The following GLIS3 variants were observed in gnomAD, a reference collection of about 807,000 sequenced individuals.
The protein encoded by GLIS3 is zinc finger protein GLIS3.
A neutral mutation model predicts 78.6 loss-of-function variants in GLIS3; 53 were observed. The observed-to-expected ratio is 0.67, with a 90% CI of 0.54 to 0.85. The LOEUF (loss-of-function observed/expected upper bound fraction) is 0.85. GLIS3 is among the 40% of genes least tolerant of loss of function. GLIS3 has a pLI of 0.00. For missense variants in GLIS3, 1,703 were observed against 1,231.1 expected (o/e 1.38, Z -5.74); for synonymous variants, 684 against 509.9 (o/e 1.34, Z -4.60).
intron 4 of GLIS3, among the ~76,000 whole-genome samples, chr9:4,087,991 C>T (rs1829186220): frequency 6.6e-6 from 1 of 152,232 alleles, no homozygotes; most frequent in Non-Finnish European, 1.5e-5. Context: ...ACAGACTCCA[C>T]ATGTCATTCA....
chr9:3,919,643 A>C (rs1824740186), intron 6 of GLIS3, among the ~76,000 whole-genome samples: 1 of 151,144 alleles, frequency 6.6e-6, no homozygotes, highest in Non-Finnish European at 1.5e-5. Context: ...GTAGAAGTTA[A>C]AAAATAAAAA....
chr9:4,229,761 C>T (rs1381883359), intron 2 of GLIS3, among the ~76,000 whole-genome samples: 1 of 152,172 alleles, frequency 6.6e-6, no homozygotes, highest in Middle Eastern at 3.2e-3. Context: ...TTTTATAACA[C>T]ATATAAAAGC....
chr9:3,926,420 G>A (rs910198591), intron 6 of GLIS3, among the ~76,000 whole-genome samples: 2 of 150,704 alleles, frequency 1.3e-5, no homozygotes, highest in Non-Finnish European at 3.0e-5. Flanking sequence ...TAGTAGAGAC[G>A]GGGGTTTCAC....
chr9:4,259,067 C>T (rs1346055569), intron 2 of GLIS3, among the ~76,000 whole-genome samples: 1 of 152,052 alleles, frequency 6.6e-6, no homozygotes, highest in Non-Finnish European at 1.5e-5. Context: ...ATAACTCCTC[C>T]CCAAACATTC....
intron 4 of GLIS3, among the ~76,000 whole-genome samples, chr9:3,947,211 T>A (rs2130829136): frequency 6.6e-6 from 1 of 152,380 alleles, no homozygotes; most frequent in East Asian, 1.9e-4. Flanking sequence ...TGTCTTTGAC[T>A]GCAAAGATGA....
chr9:4,228,213 A>G (rs1341641383), intron 2 of GLIS3, among the ~76,000 whole-genome samples: 2 of 151,716 alleles, frequency 1.3e-5, no homozygotes, highest in Non-Finnish European at 2.9e-5. Context: ...AAAAAAAAAA[A>G]AAAAAGAAGA....
intron 4 of GLIS3, among the ~76,000 whole-genome samples, chr9:3,957,818 A>G (rs1245830403): frequency 6.6e-6 from 1 of 152,172 alleles, no homozygotes; most frequent in African/African-American, 2.4e-5. Context: ...ATCTGCTCAG[A>G]TTCACACAAA....
intron 2 of GLIS3, among the ~76,000 whole-genome samples, chr9:4,185,147 C>T (rs1463473761): frequency 6.6e-6 from 1 of 152,206 alleles, no homozygotes; most frequent in East Asian, 1.9e-4. Flanking sequence ...TGTCAACTTT[C>T]CGTCCCTATC....
At chr9:4,468,104 A>G in the GLIS3 span, among the ~76,000 whole-genome samples, 6 of 152,212 alleles carry the variant, frequency 3.9e-5, no homozygotes, top group African/African-American at 1.4e-4. Context: ...GGGAAAAAAG[A>G]AATGAACAAA....
chr9:4,333,561 T>C (rs1177959346), intron 2 of GLIS3, among the ~76,000 whole-genome samples: 2 of 152,184 alleles, frequency 1.3e-5, no homozygotes, highest in African/African-American at 4.8e-5. Context: ...TGGGCTAGTT[T>C]CCCAAATTTG....
intron 2 of GLIS3, among the ~76,000 whole-genome samples, chr9:4,313,982 A>C (rs552303338): frequency 1.3e-5 from 2 of 152,340 alleles, no homozygotes; most frequent in Non-Finnish European, 2.9e-5. Flanking sequence ...AAAATCAATA[A>C]ATCAGGTAGT....
the GLIS3 span, among the ~76,000 whole-genome samples, chr9:4,388,339 G>C: frequency 6.6e-6 from 1 of 151,934 alleles, no homozygotes; most frequent in African/African-American, 2.4e-5. Context: ...CCTCTTCTTG[G>C]GAGAAATTTC....
At chr9:4,312,190 G>A (rs557745426) in intron 2 of GLIS3, among the ~76,000 whole-genome samples, 5 of 152,322 alleles carry the variant, frequency 3.3e-5, no homozygotes, top group South Asian at 2.1e-4. Context: ...TTTACAGGCT[G>A]GGCATGGTGA....
At chr9:4,052,162 G>A (rs894441732) in intron 4 of GLIS3, among the ~76,000 whole-genome samples, 1 of 152,088 alleles carries the variant, frequency 6.6e-6, no homozygotes, top group Non-Finnish European at 1.5e-5. Flanking sequence ...TCTTTCAGAG[G>A]GAGTGGCCTA....
Position 3,828,166 on chromosome 9 carries a change from G to T in GLIS3, c.*106C>A. The T allele has an allele frequency of 1.5e-6, 2 of 1,339,416 alleles. No individual in the cohort carries two copies. Among genetic ancestry groups the T allele is most frequent in the Admixed American group, 1.7e-5 (1 of 58,882 alleles). 83.0% of individuals were successfully genotyped at this position (1,339,416 alleles called of 1,614,324 possible). On this transcript the variant is annotated 3_prime_UTR_variant, in exon 11 of 11. Transcript: ENST00000381971. ...GAACATCAGTAACTCTGCAGGGCCC[G>T]CTGATTGGGCTGACATCCTTCCTCA...
At chr9:4,328,777 GGTGTT>G (rs1159100347) in intron 2 of GLIS3, among the ~76,000 whole-genome samples, 1 of 152,202 alleles carries the variant, frequency 6.6e-6, no homozygotes, top group Non-Finnish European at 1.5e-5. Context: ...TGCCATACCA[GGTGTT>G]GCGAGGACTG....
chr9:4,403,204 T>C, the GLIS3 span, among the ~76,000 whole-genome samples: 3 of 152,060 alleles, frequency 2.0e-5, no homozygotes, highest in African/African-American at 7.2e-5. Flanking sequence ...TTTTACCCTA[T>C]CTGGTGAAAA....
At chr9:4,368,564 G>C in the GLIS3 span, among the ~76,000 whole-genome samples, 2 of 152,154 alleles carry the variant, frequency 1.3e-5, no homozygotes, top group Non-Finnish European at 2.9e-5. Context: ...TGTTAGCCAG[G>C]ATGGTCTCCA....
intron 3 of GLIS3, among the ~76,000 whole-genome samples, chr9:4,121,308 T>C (rs954798419): frequency 6.6e-6 from 1 of 152,258 alleles, no homozygotes; most frequent in Non-Finnish European, 1.5e-5. Flanking sequence ...GTCTTAAATG[T>C]AGTTAACTTC....
Sources: allele counts gnomAD v4.1 joint callset (sites outside exome capture counted in the v4.1 genomes callset), GRCh38; gene constraint gnomAD v4.1.1; transcripts MANE v1.5; gene names NCBI Gene and HGNC (gene_info 2026-07-23, HGNC 2026-07-21).